Variants in USP31 observed in about 807,000 individuals in gnomAD.
USP31 encodes ubiquitin specific peptidase 31, also known as ubiquitin carboxyl-terminal hydrolase 31.
Under a neutral mutation model 119.4 loss-of-function variants are expected in USP31, and 44 were observed. The ratio of observed to expected loss-of-function variants is 0.37; its 90% CI spans 0.29 to 0.47. The LOEUF (loss-of-function observed/expected upper bound fraction) is 0.47, where lower values mean the gene tolerates loss of function less well. Ranked by LOEUF, USP31 falls within the 20% of genes least tolerant of loss-of-function variation. The pLI is 0.99. For synonymous variants in USP31, 749 were observed against 705.6 expected (o/e 1.06, Z -0.97); for missense variants, 1,643 against 1,730.2 (o/e 0.95, Z 0.89).
intron 15 of USP31, among the ~76,000 whole-genome samples, chr16:23,071,484 AAAAG>A (rs1900340801): frequency 1.3e-5 from 2 of 152,200 alleles, no homozygotes; most frequent in East Asian, 1.9e-4. Flanking sequence ...AAAAAAAAAA[AAAAG>A]AGTTCAATTT....
intron 6 of USP31, among the ~76,000 whole-genome samples, chr16:23,101,732 T>C (rs889540317): frequency 6.6e-6 from 1 of 151,994 alleles, no homozygotes; most frequent in African/African-American, 2.4e-5. Flanking sequence ...AGGAGCAAAG[T>C]CTGAGTTGCT....
Position 23,087,140 on chromosome 16 carries a change from T to C in USP31, c.1574A>G (p.Tyr525Cys), listed in dbSNP as rs201548626. 1.6e-4 allele frequency: 258 copies of C among 1,613,736 alleles called. No homozygotes were observed. The highest frequency in any genetic ancestry group is 2.0e-4 in the Non-Finnish European group (232 of 1,179,922). ...GGGCTGCTCCTCCTGGGGCAGCAAA[T>C]ATGTTATTCCAACAACACTGACCAC... The part of the protein sequence containing the change: ...LRVVSVVGIT[Y>C]LLPQEEQPLC... The change falls in exon 9 of 16, where the codon TAT (tyrosine) becomes TGT (cysteine). Residue 525 changes from tyrosine to cysteine, a missense_variant. Physicochemically the swap from Tyr to Cys is radical, Grantham distance 194. Coordinates refer to ENST00000219689, the MANE Select transcript of USP31 (RefSeq NM_020718.4).
intron 1 of USP31, among the ~76,000 whole-genome samples, chr16:23,146,989 G>T (rs1401754632): frequency 1.3e-5 from 2 of 151,648 alleles, no homozygotes; most frequent in Non-Finnish European, 2.9e-5. Flanking sequence ...AAAAATGGGT[G>T]GGGGGTGAAC....
In USP31 at chr16:23,065,839, T is replaced by C. The variant is rs575003557; in HGVS notation, c.*2207A>G. On this transcript the variant is annotated 3_prime_UTR_variant, in exon 16 of 16. Transcript: ENST00000219689. ...AAAAAAGAAGTGTTATTAAAAACCT[T>C]TGTCTAATCAAACTATAATTGTTTC... 15 of 152,354 alleles carry C rather than the reference T, an allele frequency of 9.8e-5. No homozygotes were observed. The East Asian group carries it at 2.5e-3, about 25-fold the overall frequency. 9.4% of individuals were successfully genotyped at this position (152,354 alleles called of 1,614,324 possible).
chr16:23,085,654 T>G lies in USP31; in HGVS notation c.1631A>C (p.Lys544Thr). 2 of 1,613,828 alleles carry G rather than the reference T, an allele frequency of 1.2e-6. No homozygotes were observed. The highest frequency in any genetic ancestry group is 1.7e-6 in the Non-Finnish European group (2 of 1,179,804). ...AGCAGTGCCACCTGGTCCACAAGAT[T>G]TTAATGCCCTATAGAACCAGGGAAG... ...LCHPIVERAL[K>T]SCGPGGTAHV... The change falls in exon 10 of 16, where the codon AAA becomes ACA. Residue 544 changes from lysine to threonine, a missense_variant. Around this residue, in one of 5 missense-constraint regions of USP31, gnomAD observed 219 missense variants for 226.4 expected, o/e 0.97. Coordinates refer to ENST00000219689, the MANE Select transcript of USP31 (RefSeq NM_020718.4).
In USP31 at chr16:23,065,289, C is replaced by G. The variant is rs1450469530; in HGVS notation, c.*2757G>C. On this transcript the variant is annotated 3_prime_UTR_variant, in exon 16 of 16. Transcript: ENST00000219689. ...ATAATTTTTAACCCCAAAGCACATA[C>G]ACGCTCATTGTGCTAAATATTGCTG... 6.7e-6 allele frequency: 1 copy of G among 148,218 alleles called. No homozygotes were observed. The highest frequency in any genetic ancestry group is 6.7e-5 in the Admixed American group (1 of 14,876). The allele number at this position is 148,218 out of a possible 1,614,324, so 9.2% of individuals were successfully genotyped here. A position where few individuals can be genotyped will look rare whatever the true frequency, so the allele number is the denominator to read the frequency against.
chr16:23,118,293 C>T (rs1805832665), intron 1 of USP31, among the ~76,000 whole-genome samples: 1 of 152,078 alleles, frequency 6.6e-6, no homozygotes, highest in African/African-American at 2.4e-5. Context: ...AAAGAATCAC[C>T]CTATGATACT....
rs1902187216 is a variant in USP31 at position 23,108,187 on chromosome 16, T to C, written c.634-4A>G. 1 of 1,600,824 alleles carries C rather than the reference T, an allele frequency of 6.2e-7. No individual in the cohort carries two copies. Among genetic ancestry groups the C allele is most frequent in the Admixed American group, 1.8e-5 (1 of 57,078 alleles). On this transcript the variant is annotated splice_region_variant and splice_polypyrimidine_tract_variant and intron_variant, in intron 1 of 15. Coordinates refer to ENST00000219689, the MANE Select transcript of USP31 (RefSeq NM_020718.4). ...GTGCATTCTTTGACACAATAGTCTA[T>C]GCAGGTAAATAAATCACCATGAACA...
intron 10 of USP31, 53 bp from the exon 11 acceptor site, chr16:23,085,042 A>C: frequency 6.2e-7 from 1 of 1,600,832 alleles, no homozygotes; most frequent in Non-Finnish European, 8.5e-7. Flanking sequence ...AAACAGAAGG[A>C]AAAATACAAT....
rs557292573 is a variant in USP31 at position 23,130,586 on chromosome 16, C to T, written c.633+18052G>A. ...TTGGAATTATGTGCAAAGACAAATG[C>T]TTTCTCTCAAAGCAATCCCCTCTCC... On this transcript the variant is annotated intron_variant, in intron 1 of 15. Coordinates refer to ENST00000219689, the MANE Select transcript of USP31 (RefSeq NM_020718.4). Among the ~76,000 whole-genome samples the T allele has an allele frequency of 9.9e-4, 151 of 152,238 alleles. 1 individual carries two copies. Among genetic ancestry groups the T allele is most frequent in the Non-Finnish European group, 4.1e-4 (28 of 68,018 alleles).
intron 1 of USP31, among the ~76,000 whole-genome samples, chr16:23,128,937 G>T (rs547626613): frequency 6.6e-6 from 1 of 152,282 alleles, no homozygotes; most frequent in African/African-American, 2.4e-5. Context: ...TGAAGTTTCC[G>T]TTGCCAGTCC....
chr16:23,082,631 G>C, intron 11 of USP31, 74 bp from the exon 12 acceptor site: 1 of 1,593,158 alleles, frequency 6.3e-7, no homozygotes, highest in Non-Finnish European at 8.6e-7. Flanking sequence ...TAATGCCTTA[G>C]CCAGGGCATG....
At chr16:23,101,362 TAAGA>T (rs948963622) in intron 6 of USP31, among the ~76,000 whole-genome samples, 5 of 152,060 alleles carry the variant, frequency 3.3e-5, no homozygotes, top group African/African-American at 1.2e-4. Flanking sequence ...GCAACCAATC[TAAGA>T]AAGAAATGCT....
intron 15 of USP31, among the ~76,000 whole-genome samples, chr16:23,071,428 G>C (rs11859398): frequency 2.4e-4 from 36 of 149,824 alleles, no homozygotes; most frequent in African/African-American, 8.6e-4. Context: ...TCGAAACTAA[G>C]GTCTATCCTG....
chr16:23,112,012 A>G (rs1358415006), intron 1 of USP31, among the ~76,000 whole-genome samples: 2 of 152,214 alleles, frequency 1.3e-5, no homozygotes, highest in Non-Finnish European at 2.9e-5. Flanking sequence ...TGAGATTCAG[A>G]TTCGGGAGGA....
chr16:23,102,372 A>G lies in USP31; in HGVS notation c.1181T>C (p.Phe394Ser), dbSNP rs756919248. ...LETVHESDCI[F>S]AFETPEIFRP... is the part of the protein sequence containing the mutation. Reference sequence around the variant, plus strand: ...AAATATTTCGGGAGTCTCAAAGGCAAAAATGCAGTCGCTTTCATGGACTGT... The same window carrying G: ...AAATATTTCGGGAGTCTCAAAGGCAGAAATGCAGTCGCTTTCATGGACTGT... Residue 394 changes from phenylalanine (F) to serine (S), a missense_variant, in exon 6 of 16, where the codon TTT (phenylalanine) becomes TCT (serine). This residue lies in a region of USP31 where 219 missense variants were observed against 226.4 expected (regional missense o/e 0.97). Coordinates refer to ENST00000219689, the MANE Select transcript of USP31 (RefSeq NM_020718.4). 16 of 1,613,750 alleles carry G rather than the reference A, an allele frequency of 9.9e-6. No individual in the cohort carries two copies. Among genetic ancestry groups the G allele is most frequent in the African/African-American group, 4.0e-5 (3 of 74,932 alleles).
At chr16:23,119,584 T>G (rs1451167799) in intron 1 of USP31, among the ~76,000 whole-genome samples, 1 of 152,238 alleles carries the variant, frequency 6.6e-6, no homozygotes, top group Non-Finnish European at 1.5e-5. Context: ...GAGCTACAGC[T>G]GCACCAACCT....
At position 23,064,623 on chromosome 16, in the gene USP31, T is replaced by C. The variant is rs1273329614; in HGVS notation, c.*3423A>G. Reference sequence around the variant, plus strand: ...TTTTGGTTTCCAGAAGGAACAGACTTGCTCAAGAGAACCACAAGCCTTAGC... The same window carrying C: ...TTTTGGTTTCCAGAAGGAACAGACTCGCTCAAGAGAACCACAAGCCTTAGC... On this transcript the variant is annotated 3_prime_UTR_variant, in exon 16 of 16. Transcript: ENST00000219689. 6.6e-6 allele frequency: 1 copy of C among 152,168 alleles called. No homozygotes were observed. The highest frequency in any genetic ancestry group is 1.5e-5 in the Non-Finnish European group (1 of 68,026). 9.4% of individuals were successfully genotyped at this position (152,168 alleles called of 1,614,324 possible).
At chr16:23,103,002 G>A (rs1901947289) in intron 5 of USP31, among the ~76,000 whole-genome samples, 1 of 152,114 alleles carries the variant, frequency 6.6e-6, no homozygotes, top group Non-Finnish European at 1.5e-5. Flanking sequence ...GTGGATTTTG[G>A]TATCCTAGTG....
Sources: gnomAD v4.1 joint callset for allele counts (sites outside exome capture counted in the v4.1 genomes callset) on GRCh38, gnomAD v4.1.1 for gene constraint, gnomAD v4.1.1 regional missense constraint, MANE v1.5 for transcripts, NCBI Gene and HGNC (gene_info 2026-07-23, HGNC 2026-07-21) for gene names.